The following CPNE5 variants were observed in gnomAD, a reference collection of about 807,000 sequenced individuals.
CPNE5 encodes copine 5.
A neutral mutation model predicts 81.1 loss-of-function variants in CPNE5; 42 were observed. That is an observed-to-expected ratio of 0.52 (90% CI 0.40 to 0.67). CPNE5 has a LOEUF of 0.67. Among genes scored for constraint, CPNE5 ranks in the 30% least tolerant of loss-of-function variants. CPNE5 has a pLI of 0.00. For missense variants in CPNE5, 612 were observed against 815.5 expected, an observed-to-expected ratio of 0.75 and a Z score of 3.04; for synonymous variants, 313 against 321.5, an observed-to-expected ratio of 0.97 and a Z score of 0.28.
At chr6:36,747,872 T>C (rs1052075024) in intron 15 of CPNE5, among the ~76,000 whole-genome samples, 3 of 152,148 alleles carry the variant, frequency 2.0e-5, no homozygotes, top group Non-Finnish European at 4.4e-5. Context: ...GATTCTCCAC[T>C]CCAGCCTGTG....
At chr6:36,822,268 G>A (rs572633031) in intron 2 of CPNE5, 108 bp from the exon 3 acceptor site, 1 of 856,390 alleles carries the variant, frequency 1.2e-6, no homozygotes, top group African/African-American at 1.7e-5. Context: ...ACCCAGCCTG[G>A]GTAGCACTGT....
chr6:36,782,633 G>A (rs1015584685), intron 8 of CPNE5, among the ~76,000 whole-genome samples: 5 of 151,736 alleles, frequency 3.3e-5, no homozygotes, highest in East Asian at 1.9e-4. Context: ...CCAAAACCCC[G>A]TCTCTACTAA....
At chr6:36,805,701 G>A (rs1770532177) in intron 3 of CPNE5, among the ~76,000 whole-genome samples, 1 of 152,116 alleles carries the variant, frequency 6.6e-6, no homozygotes, top group East Asian at 1.9e-4. Flanking sequence ...AAGTACAAAT[G>A]AGAAGGAAGC....
At chr6:36,829,364 G>T (rs1279762583) in intron 1 of CPNE5, among the ~76,000 whole-genome samples, 1 of 152,162 alleles carries the variant, frequency 6.6e-6, no homozygotes, top group Non-Finnish European at 1.5e-5. Context: ...GGGTGTGGTG[G>T]TGTGTATCTG....
At chr6:36,824,128 G>A (rs1365920590) in intron 1 of CPNE5, among the ~76,000 whole-genome samples, 2 of 152,182 alleles carry the variant, frequency 1.3e-5, no homozygotes, top group Admixed American at 1.3e-4. Context: ...CACAGTTCCT[G>A]TACACATCCA....
intron 8 of CPNE5, among the ~76,000 whole-genome samples, chr6:36,790,092 G>C (rs983271218): frequency 2.0e-5 from 3 of 152,120 alleles, no homozygotes; most frequent in African/African-American, 2.4e-5. Flanking sequence ...CTTCTACTCA[G>C]TGGCTGTGTG....
intron 9 of CPNE5, 76 bp downstream of exon 9, chr6:36,778,778 G>T: frequency 2.0e-6 from 2 of 1,018,290 alleles, no homozygotes; most frequent in Non-Finnish European, 3.0e-6. Flanking sequence ...TGCCTGGCAA[G>T]TCACCACCAC....
At chr6:36,795,247 C>T (rs1178284342) in intron 6 of CPNE5, among the ~76,000 whole-genome samples, 1 of 152,242 alleles carries the variant, frequency 6.6e-6, no homozygotes, top group East Asian at 1.9e-4. Flanking sequence ...GGCGTGATCT[C>T]GGCTCACCGC....
intron 1 of CPNE5, chr6:36,827,484 A>C (rs61423434): frequency 1.9e-5 from 19 of 985,426 alleles, no homozygotes; most frequent in Non-Finnish European, 2.3e-5. Context: ...TGTTTATCCA[A>C]GTGGCCGCCA....
At chr6:36,767,516 C>A (rs1192254418) in intron 10 of CPNE5, among the ~76,000 whole-genome samples, 1 of 152,228 alleles carries the variant, frequency 6.6e-6, no homozygotes, top group African/African-American at 2.4e-5. Flanking sequence ...AGGCTGAAGT[C>A]TCTCTACCCC....
chr6:36,774,274 T>C (rs1767302566), intron 10 of CPNE5, among the ~76,000 whole-genome samples: 1 of 151,960 alleles, frequency 6.6e-6, no homozygotes, highest in African/African-American at 2.4e-5. Context: ...CCAACTATAT[T>C]CAGGAGGTAG....
In CPNE5 at chr6:36,741,817, G is replaced by C. The variant is rs78366692; in HGVS notation, c.*451C>G. ...AGCTTCATGGGGTTCACTGGAAATCGGGCACAGGATAGACCACAGGGCGGG... is the reference window on the plus strand; with the variant it reads ...AGCTTCATGGGGTTCACTGGAAATCCGGCACAGGATAGACCACAGGGCGGG... On this transcript the variant is annotated 3_prime_UTR_variant, in exon 21 of 21. Coordinates refer to ENST00000244751, the MANE Select transcript of CPNE5 (RefSeq NM_020939.2). The C allele has an allele frequency of 6.2e-6, 1 of 160,440 alleles. No individual in the cohort carries two copies. Among genetic ancestry groups the C allele is most frequent in the African/African-American group, 2.4e-5 (1 of 41,722 alleles). 9.9% of individuals were successfully genotyped at this position (160,440 alleles called of 1,614,324 possible).
At chr6:36,768,225 C>CTTTTTTTCTTTTTTTTT (rs527797208) in intron 10 of CPNE5, among the ~76,000 whole-genome samples, 2,811 of 60,544 alleles carry the variant, frequency 0.046, 743 homozygotes, top group South Asian at 0.08. Flanking sequence ...ATTCACAGTT[C>CTTTTTTTCTTTTTTTTT]TTTTTTTTTT....
chr6:36,765,827 G>A (rs1766515665), intron 10 of CPNE5, among the ~76,000 whole-genome samples: 1 of 152,108 alleles, frequency 6.6e-6, no homozygotes, highest in Admixed American at 6.5e-5. Context: ...TTTGGGTGTG[G>A]GAGCCAGCCC....
chr6:36,815,810 A>C (rs1771493122), intron 3 of CPNE5, among the ~76,000 whole-genome samples: 1 of 152,204 alleles, frequency 6.6e-6, no homozygotes, highest in African/African-American at 2.4e-5. Context: ...AAAGAGACTG[A>C]GTGCTTTGGC....
At chr6:36,827,074 A>C (rs531675564) in intron 1 of CPNE5, among the ~76,000 whole-genome samples, 2 of 151,694 alleles carry the variant, frequency 1.3e-5, no homozygotes, top group Admixed American at 1.3e-4. Context: ...AGCAATCTCC[A>C]CCCTCACAGG....
At chr6:36,824,434 C>T (rs1772331020) in intron 1 of CPNE5, among the ~76,000 whole-genome samples, 1 of 152,062 alleles carries the variant, frequency 6.6e-6, no homozygotes, top group South Asian at 2.1e-4. Flanking sequence ...CCCTTCCTGC[C>T]TGTGCGGCTA....
chr6:36,742,603 T>TC lies in CPNE5; in HGVS notation c.1564-118dup, dbSNP rs956332266. ...CCCAGCCTCTGCTCACTTGACTCAA[T>TC]CCCCCCACCTTTCTGAATTACCTGA... On this transcript the variant is annotated intron_variant, in intron 20 of 20. Coordinates refer to ENST00000244751, the MANE Select transcript of CPNE5 (RefSeq NM_020939.2). 233 of 1,232,290 alleles carry TC rather than the reference T, an allele frequency of 1.9e-4. 1 individual carries two copies. The highest frequency in any genetic ancestry group is 5.9e-4 in the South Asian group (40 of 68,226). The allele number at this position is 1,232,290 out of a possible 1,614,324, so 76.3% of individuals were successfully genotyped here. A position where few individuals can be genotyped will look rare whatever the true frequency, so the allele number is the denominator to read the frequency against.
chr6:36,834,846 G>A (rs149377953), intron 1 of CPNE5, among the ~76,000 whole-genome samples: 336 of 152,010 alleles, frequency 2.2e-3, no homozygotes, highest in Middle Eastern at 6.8e-3. Flanking sequence ...GACAGCTGCC[G>A]CCCTCCCCCA....
Sources: gnomAD v4.1 joint callset for allele counts (sites outside exome capture counted in the v4.1 genomes callset) on GRCh38, gnomAD v4.1.1 for gene constraint, MANE v1.5 for transcripts, NCBI Gene and HGNC (gene_info 2026-07-23, HGNC 2026-07-21) for gene names.